ELAVL4: variants seen among roughly 807,000 people sequenced by gnomAD.
ELAVL4 encodes the protein ELAV-like protein 4.
ELAVL4 carries 1 observed loss-of-function variant against 35.6 expected under a neutral mutation model. The ratio of observed to expected loss-of-function variants is 0.03; its 90% confidence interval spans 0.01 to 0.13. The LOEUF (loss-of-function observed/expected upper bound fraction) is 0.13, where lower values mean the gene tolerates loss of function less well. ELAVL4 is among the 10% of genes least tolerant of loss of function. ELAVL4 has a pLI of 1.00. For synonymous variants in ELAVL4, 156 were observed against 171.0 expected (o/e 0.91, Z 0.69); for missense variants, 267 against 464.9 (o/e 0.57, Z 3.91).
At chr1:50,178,070 G>C (rs138235197) in intron 3 of ELAVL4, among the ~76,000 whole-genome samples, 2 of 152,230 alleles carry the variant, frequency 1.3e-5, no homozygotes, top group East Asian at 3.9e-4. Context: ...AGTGGATGGA[G>C]CCTGCCTCCT....
chr1:50,086,790 T>TA (rs1447981547), intron 1 of ELAVL4, among the ~76,000 whole-genome samples: 1 of 152,086 alleles, frequency 6.6e-6, no homozygotes, highest in Non-Finnish European at 1.5e-5. Context: ...GGATTGGAGC[T>TA]AGTGTTCTTT....
chr1:50,140,469 G>A (rs1271573271), intron 1 of ELAVL4, among the ~76,000 whole-genome samples: 1 of 152,228 alleles, frequency 6.6e-6, no homozygotes, highest in Non-Finnish European at 1.5e-5. Context: ...ACCTTAAAAT[G>A]CTGTAGTTTC....
intron 3 of ELAVL4, among the ~76,000 whole-genome samples, chr1:50,178,857 A>T (rs1031336487): frequency 2.0e-5 from 3 of 152,134 alleles, no homozygotes; most frequent in Non-Finnish European, 2.9e-5. Flanking sequence ...TCTTCCCTTG[A>T]CAGACACCCT....
chr1:50,162,652 C>G (rs1172928900), intron 2 of ELAVL4, among the ~76,000 whole-genome samples: 2 of 151,614 alleles, frequency 1.3e-5, no homozygotes, highest in African/African-American at 4.9e-5. Flanking sequence ...GGTGTGATCT[C>G]GGCTCACTGC....
chr1:50,160,322 T>A (rs1272923678), intron 2 of ELAVL4, among the ~76,000 whole-genome samples: 1 of 152,236 alleles, frequency 6.6e-6, no homozygotes, highest in African/African-American at 2.4e-5. Flanking sequence ...GACCTATTTC[T>A]GCATGAGTTG....
exon 1 of ELAVL4, chr1:50,048,131 C>A (rs1472098693): frequency 4.6e-6 from 7 of 1,511,080 alleles, no homozygotes; most frequent in Non-Finnish European, 6.2e-6. Flanking sequence ...CACCCAGCCT[C>A]CGCAGCCTCG....
intron 1 of ELAVL4, among the ~76,000 whole-genome samples, chr1:50,113,565 A>C (rs9436888): frequency 0.35 from 52,765 of 151,816 alleles, 11,547 homozygotes; most frequent in African/African-American, 0.62. Context: ...AGCTGGCCAG[A>C]GGATGCTAAA....
Position 50,109,187 on chromosome 1 carries a change from A to C in ELAVL4, c.-3A>C. The C allele has an allele frequency of 6.2e-7, 1 of 1,612,206 alleles. No individual in the cohort carries two copies. Reference sequence around the variant, plus strand: ...CTGCGAGACCCAATATTTGCCAATAAGAATGGTTATGGTAGGTATGACTAG... The same window carrying C: ...CTGCGAGACCCAATATTTGCCAATACGAATGGTTATGGTAGGTATGACTAG... On this transcript the variant is annotated 5_prime_UTR_variant, in exon 1 of 7. Coordinates refer to ENST00000371824, the MANE Select transcript of ELAVL4 (RefSeq NM_001144774.3).
rs543192311 is a variant in ELAVL4 at position 50,053,215 on chromosome 1, A to G, written c.18+5033A>G. ...TTTGCAACAAGTTATAGTTGGGGTG[A>G]GTCTATTATATTTAAAATATAACAC... On this transcript the variant is annotated intron_variant, in intron 1 of 6. Transcript: ENST00000448907. 2.6e-4 allele frequency among the ~76,000 whole-genome samples: 40 copies of G among 152,344 alleles called. No homozygotes were observed. In the South Asian group the frequency reaches 8.3e-3, roughly 32 times the overall value.
At chr1:50,067,228 C>A (rs1371859709) in intron 1 of ELAVL4, among the ~76,000 whole-genome samples, 1 of 152,122 alleles carries the variant, frequency 6.6e-6, no homozygotes, top group Non-Finnish European at 1.5e-5. Flanking sequence ...AAGGAAGCAA[C>A]AGAAATGTGG....
intron 1 of ELAVL4, among the ~76,000 whole-genome samples, chr1:50,078,104 C>G (rs1397030585): frequency 7.5e-6 from 1 of 133,020 alleles, no homozygotes. Flanking sequence ...CAAATATATA[C>G]CTTGTGTGTG....
rs1644006995 is a variant in ELAVL4, at chr1:50,195,644, C to A, written c.592C>A (p.Pro198Thr). Residue 198 changes from proline (P) to threonine (T), a missense_variant, in exon 5 of 7, where the codon CCC becomes ACC. By Grantham distance (38) the Pro-to-Thr change is conservative. Coordinates refer to ENST00000371824, the MANE Select transcript of ELAVL4 (RefSeq NM_001144774.3). ...CATCAAAGGGCTGAATGGCCAGAAG[C>A]CCAGCGGTGCTACGGAACCGATTAC... ...EAIKGLNGQK[P>T]SGATEPITVK... 1 of 1,614,130 alleles carries A rather than the reference C, an allele frequency of 6.2e-7. No individual in the cohort carries two copies. Among genetic ancestry groups the A allele is most frequent in the Non-Finnish European group, 8.5e-7 (1 of 1,180,010 alleles).
Position 50,195,534 on chromosome 1 carries a change from T to C in ELAVL4, c.509-27T>C, listed in dbSNP as rs773714293. The C allele has an allele frequency of 3.1e-6, 5 of 1,612,220 alleles. No homozygotes were observed. In the Admixed American group the frequency reaches 5.0e-5, roughly 16 times the overall value. On this transcript the variant is annotated intron_variant, in intron 4 of 6. Transcript: ENST00000371824. ...TTTACCAGTTTGGTGTGTTCACTCTTTACAAAGGCTCTTTCTCTTTCCCCA... is the reference window on the plus strand; with the variant it reads ...TTTACCAGTTTGGTGTGTTCACTCTCTACAAAGGCTCTTTCTCTTTCCCCA...
chr1:50,184,438 G>A (rs1236805959), intron 3 of ELAVL4, among the ~76,000 whole-genome samples: 1 of 151,808 alleles, frequency 6.6e-6, no homozygotes, highest in Non-Finnish European at 1.5e-5. Flanking sequence ...AGTTGTGTTG[G>A]GAGAATTATG....
At chr1:50,194,600 C>T (rs1643909523) in intron 4 of ELAVL4, among the ~76,000 whole-genome samples, 1 of 152,194 alleles carries the variant, frequency 6.6e-6, no homozygotes, top group Non-Finnish European at 1.5e-5. Flanking sequence ...CAAACCTTCA[C>T]AGAAGTCTGC....
chr1:50,061,652 G>T (rs946173018), intron 1 of ELAVL4, among the ~76,000 whole-genome samples: 4 of 152,186 alleles, frequency 2.6e-5, no homozygotes, highest in African/African-American at 7.2e-5. Flanking sequence ...GCAGTTAGAT[G>T]ACAGTCTCCA....
intron 1 of ELAVL4, among the ~76,000 whole-genome samples, chr1:50,057,524 G>T (rs943366514): frequency 2.0e-5 from 3 of 152,100 alleles, no homozygotes; most frequent in Non-Finnish European, 2.9e-5. Context: ...TCCATTTATG[G>T]CAACTGCCTA....
intron 6 of ELAVL4, among the ~76,000 whole-genome samples, chr1:50,199,082 A>G (rs1000967870): frequency 7.3e-6 from 1 of 136,132 alleles, no homozygotes; most frequent in Admixed American, 7.2e-5. Flanking sequence ...TTGCACGTCT[A>G]AGGATCTACA....
At chr1:50,096,382 C>T (rs1187175244) in intron 1 of ELAVL4, among the ~76,000 whole-genome samples, 1 of 147,218 alleles carries the variant, frequency 6.8e-6, no homozygotes, top group African/African-American at 2.5e-5. Context: ...TATGATTTTC[C>T]ATACAGAGAA....
Sources: allele counts gnomAD v4.1 joint callset (sites outside exome capture counted in the v4.1 genomes callset), GRCh38; gene constraint gnomAD v4.1.1; transcripts MANE v1.5; gene names NCBI Gene and HGNC (gene_info 2026-07-23, HGNC 2026-07-21).